ANTXR2: variants seen among roughly 807,000 people sequenced by gnomAD.
The protein encoded by ANTXR2 is anthrax toxin receptor 2.
A neutral mutation model predicts 73.7 loss-of-function variants in ANTXR2; 44 were observed. The ratio of observed to expected loss-of-function variants is 0.60; its 90% confidence interval spans 0.47 to 0.77. The LOEUF (loss-of-function observed/expected upper bound fraction) is 0.77, where lower values mean the gene tolerates loss of function less well. Among genes scored for constraint, ANTXR2 ranks in the 30% least tolerant of loss-of-function variants. ANTXR2 has a pLI of 0.00. For synonymous variants in ANTXR2, 217 were observed against 205.9 expected (o/e 1.05, Z -0.46); for missense variants, 604 against 592.5 (o/e 1.02, Z -0.20).
intron 11 of ANTXR2, among the ~76,000 whole-genome samples, chr4:80,010,877 G>A (rs1731539236): frequency 6.6e-6 from 1 of 152,144 alleles, no homozygotes; most frequent in South Asian, 2.1e-4. Context: ...GCCGGGCACA[G>A]TGGCTCACAC....
chr4:79,914,035 A>G (rs1276812375), intron 16 of ANTXR2, among the ~76,000 whole-genome samples: 3 of 152,180 alleles, frequency 2.0e-5, no homozygotes, highest in Non-Finnish European at 2.9e-5. Flanking sequence ...GTCGATCTAC[A>G]TAAACAATAT....
chr4:80,003,052 C>T (rs898332727), intron 12 of ANTXR2, among the ~76,000 whole-genome samples: 17 of 148,554 alleles, frequency 1.1e-4, no homozygotes, highest in South Asian at 6.8e-4. Flanking sequence ...CCAGCCATCC[C>T]ATTACTGGGT....
chr4:80,058,386 C>T (rs1734098593), intron 3 of ANTXR2, among the ~76,000 whole-genome samples: 1 of 151,990 alleles, frequency 6.6e-6, no homozygotes, highest in African/African-American at 2.4e-5. Context: ...CTGCATGATC[C>T]TAAGAGGAAA....
chr4:80,017,839 GA>G (rs576415545), intron 11 of ANTXR2, among the ~76,000 whole-genome samples: 10 of 151,300 alleles, frequency 6.6e-5, no homozygotes, highest in African/African-American at 1.7e-4. Flanking sequence ...AGAAATGGGA[GA>G]AAAAAAACCC....
intron 16 of ANTXR2, among the ~76,000 whole-genome samples, chr4:79,958,315 T>C (rs569111847): frequency 2.6e-5 from 4 of 152,218 alleles, no homozygotes; most frequent in East Asian, 1.9e-4. Flanking sequence ...CAAGGAAATA[T>C]TTGAAATATG....
chr4:80,065,872 T>C (rs1734472440), intron 3 of ANTXR2, among the ~76,000 whole-genome samples: 1 of 152,214 alleles, frequency 6.6e-6, no homozygotes, highest in African/African-American at 2.4e-5. Flanking sequence ...TTTCTTTGCT[T>C]AACCTTTGCT....
At chr4:80,015,635 G>GA (rs373644857) in intron 11 of ANTXR2, among the ~76,000 whole-genome samples, 37 of 147,112 alleles carry the variant, frequency 2.5e-4, no homozygotes, top group South Asian at 6.4e-4. Context: ...AATAAAACCT[G>GA]AAAAAAAAAA....
chr4:80,046,375 CGTT>C (rs1376275347), intron 7 of ANTXR2, among the ~76,000 whole-genome samples: 1 of 151,588 alleles, frequency 6.6e-6, no homozygotes, highest in African/African-American at 2.4e-5. Flanking sequence ...TTGCTGTTGT[CGTT>C]GTTGTCTTTG....
intron 16 of ANTXR2, among the ~76,000 whole-genome samples, chr4:79,960,911 G>C (rs563517606): frequency 1.3e-5 from 2 of 151,934 alleles, no homozygotes; most frequent in Admixed American, 6.5e-5. Flanking sequence ...GAGATATTTA[G>C]CAAAGTTGAA....
intron 3 of ANTXR2, among the ~76,000 whole-genome samples, chr4:80,060,722 A>G (rs956920273): frequency 6.6e-6 from 1 of 152,166 alleles, no homozygotes; most frequent in African/African-American, 2.4e-5. Flanking sequence ...GTTTTATCAT[A>G]GGTATGTATG....
intron 9 of ANTXR2, among the ~76,000 whole-genome samples, chr4:80,032,025 G>A (rs1016869556): frequency 6.6e-6 from 1 of 151,516 alleles, no homozygotes; most frequent in South Asian, 2.1e-4. Context: ...TATTTTAAAA[G>A]CACACTTTAG....
intron 16 of ANTXR2, among the ~76,000 whole-genome samples, chr4:79,920,488 G>T (rs1727552540): frequency 6.6e-6 from 1 of 152,110 alleles, no homozygotes; most frequent in African/African-American, 2.4e-5. Context: ...CTGAATCAGA[G>T]TAAGAGGGCA....
chr4:80,063,162 T>G (rs1047152824), intron 3 of ANTXR2, among the ~76,000 whole-genome samples: 1 of 152,202 alleles, frequency 6.6e-6, no homozygotes, highest in African/African-American at 2.4e-5. Flanking sequence ...ACATTATACT[T>G]TTCTCAAGAT....
At chr4:80,069,383 C>G in intron 3 of ANTXR2, 53 bp downstream of exon 3, 2 of 1,373,760 alleles carry the variant, frequency 1.5e-6, no homozygotes, top group South Asian at 2.5e-5. Flanking sequence ...ATCAATCATG[C>G]CTTTAAAATT....
intron 11 of ANTXR2, among the ~76,000 whole-genome samples, chr4:80,016,173 G>A (rs73829341): frequency 0.094 from 14,331 of 151,928 alleles, 769 homozygotes; most frequent in Middle Eastern, 0.23. Flanking sequence ...TTTCAACACC[G>A]TAGAGTTTGG....
At chr4:79,983,375 C>T (rs1361887576) in intron 14 of ANTXR2, among the ~76,000 whole-genome samples, 15 of 152,094 alleles carry the variant, frequency 9.9e-5, no homozygotes. Context: ...TCAATGCATT[C>T]TATAAATGAT....
chr4:80,008,560 G>C lies in ANTXR2; in HGVS notation c.1002C>G (p.Ile334Met). ...VILVLLLLLG[I>M]GLMWWFWPLC... ...GGGGCCAAAACCACCACATCAAACC[G>C]ATCCCCAGGAGTAGCAGTAACACCA... is the stretch of plus-strand genomic sequence containing the variant. Residue 334 changes from isoleucine to methionine, a missense_variant, in exon 12 of 17, where the codon ATC becomes ATG. Physicochemically the swap from Ile to Met is conservative, Grantham distance 10 (BLOSUM62 1). Coordinates refer to ENST00000403729, the MANE Select transcript of ANTXR2 (RefSeq NM_058172.6). The C allele has an allele frequency of 6.2e-7, 1 of 1,607,318 alleles. No individual in the cohort carries two copies. Among genetic ancestry groups the C allele is most frequent in the South Asian group, 1.1e-5 (1 of 89,506 alleles).
chr4:79,931,939 A>G (rs1728074264), intron 16 of ANTXR2, among the ~76,000 whole-genome samples: 1 of 152,164 alleles, frequency 6.6e-6, no homozygotes, highest in African/African-American at 2.4e-5. Flanking sequence ...TTTTTTCTCT[A>G]TAGCCCTTGC....
intron 12 of ANTXR2, among the ~76,000 whole-genome samples, chr4:80,004,805 T>C (rs1235682585): frequency 6.6e-6 from 1 of 152,142 alleles, no homozygotes; most frequent in East Asian, 1.9e-4. Context: ...ATTCACTTTA[T>C]TGAAGGAGGC....
Sources: allele counts gnomAD v4.1 joint callset (sites outside exome capture counted in the v4.1 genomes callset), GRCh38; gene constraint gnomAD v4.1.1; transcripts MANE v1.5; gene names NCBI Gene and HGNC (gene_info 2026-07-23, HGNC 2026-07-21).